The following ZNF677 variants were observed in gnomAD, a reference collection of about 807,000 sequenced individuals.
ZNF677 encodes zinc finger protein 677.
ZNF677 carries 5 observed loss-of-function variants against 8.1 expected under a neutral mutation model. The observed-to-expected ratio is 0.62, with a 90% CI of 0.32 to 1.29. ZNF677 has a LOEUF of 1.29. Ranked by LOEUF, ZNF677 falls within the 50% of genes most tolerant of loss-of-function variation. The pLI is 0.05. For synonymous variants in ZNF677, 221 were observed against 225.6 expected (o/e 0.98, Z 0.18); for missense variants, 685 against 685.9 (o/e 1.00, Z 0.01).
At chr19:53,251,752 A>C in intron 2 of ZNF677, 147 bp from the exon 3 acceptor site, 1 of 598,726 alleles carries the variant, frequency 1.7e-6, no homozygotes. Flanking sequence ...CATGAAAAAA[A>C]TTAACTCCTA....
Position 53,245,055 on chromosome 19 carries a change from G to C in ZNF677, c.16-1158C>G, listed in dbSNP as rs1183625438. On this transcript the variant is annotated intron_variant, in intron 3 of 4. Transcript: ENST00000598513. ...GAAATCTGTACACCCAAATGCAAAA[G>C]AATGAAACTGGATGCTTATCTTATG... Among the ~76,000 whole-genome samples, 4 of 152,198 alleles carry C rather than the reference G, an allele frequency of 2.6e-5. No homozygotes were observed. In the East Asian group the frequency reaches 5.8e-4, roughly 22 times the overall value.
chr19:53,237,194 T>C lies in ZNF677; in HGVS notation c.1533A>G (p.Gly511=), dbSNP rs1222943367. Residue 511 remains glycine, a synonymous_variant, in exon 5 of 5, where the codon GGA becomes GGG. Transcript: ENST00000598513. The part of the protein sequence containing the change: ...NLTQHKKIHT[G]EKPYKCTECG... The stretch of plus-strand genomic sequence containing the variant: ...ATTCAGTACATTTGTAAGGTTTCTC[T>C]CCAGTATGGATTTTCTTATGCTGAG... 2 of 1,612,756 alleles carry C rather than the reference T, an allele frequency of 1.2e-6. No homozygotes were observed. Among genetic ancestry groups the C allele is most frequent in the Non-Finnish European group, 8.5e-7 (1 of 1,178,982 alleles).
At chr19:53,248,899 C>A (rs2091189749) in intron 3 of ZNF677, among the ~76,000 whole-genome samples, 1 of 152,074 alleles carries the variant, frequency 6.6e-6, no homozygotes, top group South Asian at 2.1e-4. Flanking sequence ...CTTTTGCTTT[C>A]TCCTTTTCTT....
chr19:53,245,236 T>C (rs985163119), intron 3 of ZNF677, among the ~76,000 whole-genome samples: 1 of 152,042 alleles, frequency 6.6e-6, no homozygotes, highest in African/African-American at 2.4e-5. Flanking sequence ...TTCTTGGATA[T>C]AACACCAAAA....
At position 53,238,081 on chromosome 19, in the gene ZNF677, G is replaced by C; in HGVS notation, c.646C>G (p.Pro216Ala). ...GAACTATTGATAGACTTCTCAACTG[G>C]ATTACATTCATACATTTTCTCCCCA... ...QTGEKMYECN[P>A]VEKSINSSSV... The change falls in exon 5 of 5, where the codon CCA (proline) becomes GCA (alanine). Residue 216 changes from proline (P) to alanine (A), a missense_variant. Coordinates refer to ENST00000598513, the MANE Select transcript of ZNF677 (RefSeq NM_182609.4). 1.2e-6 allele frequency: 2 copies of C among 1,614,016 alleles called. No homozygotes were observed. The highest frequency in any genetic ancestry group is 8.5e-7 in the Non-Finnish European group (1 of 1,179,952).
intron 1 of ZNF677, among the ~76,000 whole-genome samples, 168 bp from the exon 2 acceptor site, chr19:53,253,324 C>G (rs1362738896): frequency 6.6e-6 from 1 of 152,176 alleles, no homozygotes; most frequent in Non-Finnish European, 1.5e-5. Context: ...AAAAGATTAT[C>G]AACACCTTAG....
intron 4 of ZNF677, chr19:53,241,266 C>A (rs991800696): frequency 6.6e-6 from 1 of 152,036 alleles, no homozygotes; most frequent in Non-Finnish European, 1.5e-5. Context: ...AAACAAAAAA[C>A]ACTAAGAGTA....
rs1245616370 is a variant in ZNF677 at position 53,237,938 on chromosome 19, G to T, written c.789C>A (p.Tyr263Ter). 6.2e-7 allele frequency: 1 copy of T among 1,612,036 alleles called. No homozygotes were observed. Among genetic ancestry groups the T allele is most frequent in the East Asian group, 2.2e-5 (1 of 44,856 alleles). Residue 263 changes from tyrosine (Y) to a stop codon, truncating the protein, a stop_gained, in exon 5 of 5, where the codon TAC becomes TAA. Coordinates refer to ENST00000598513, the MANE Select transcript of ZNF677 (RefSeq NM_182609.4). LOFTEE classifies it low-confidence loss of function (END_TRUNC). ...YGRTHIREKS[Y>*]KCNDCGKAFS... is the part of the protein sequence containing the mutation. Reference sequence around the variant, plus strand: ...AAGCCTTTCCACAGTCATTACACTTGTATGATTTTTCTCTAATGTGTGTTC... The same window carrying T: ...AAGCCTTTCCACAGTCATTACACTTTTATGATTTTTCTCTAATGTGTGTTC...
At chr19:53,251,123 C>A (rs2091226955) in intron 3 of ZNF677, among the ~76,000 whole-genome samples, 1 of 152,190 alleles carries the variant, frequency 6.6e-6, no homozygotes, top group Non-Finnish European at 1.5e-5. Context: ...TTTCCCCCAA[C>A]AGTCTTCTTT....
rs1211610989 is a variant in ZNF677, at chr19:53,237,171, T to G, written c.1556A>C (p.Glu519Ala). Reference protein sequence around the residue: ...HTGEKPYKCTECGKAFTQFAN... With the variant: ...HTGEKPYKCTACGKAFTQFAN... ...AAATTGGGTAAAAGCTTTGCCACAT[T>G]CAGTACATTTGTAAGGTTTCTCTCC... The change falls in exon 5 of 5, where the codon GAA (glutamate) becomes GCA (alanine). Residue 519 changes from glutamate (E) to alanine (A), a missense_variant. Glu to Ala is a moderately radical substitution (Grantham distance 107). Coordinates refer to ENST00000598513, the MANE Select transcript of ZNF677 (RefSeq NM_182609.4). The G allele has an allele frequency of 6.2e-7, 1 of 1,612,826 alleles. No homozygotes were observed. Among genetic ancestry groups the G allele is most frequent in the Non-Finnish European group, 8.5e-7 (1 of 1,179,330 alleles).
At chr19:53,252,733 T>A (rs1466436832) in intron 2 of ZNF677, among the ~76,000 whole-genome samples, 1 of 152,176 alleles carries the variant, frequency 6.6e-6, no homozygotes, top group Non-Finnish European at 1.5e-5. Flanking sequence ...TTCTTCAACA[T>A]CTTGCAGAGA....
intron 2 of ZNF677, 56 bp from the exon 3 acceptor site, chr19:53,251,661 A>T: frequency 8.0e-7 from 1 of 1,248,460 alleles, no homozygotes; most frequent in Non-Finnish European, 1.1e-6. Flanking sequence ...CCCTGCCTCT[A>T]CCACACACAC....
chr19:53,242,149 C>A (rs549230249), intron 4 of ZNF677: 8 of 396,032 alleles, frequency 2.0e-5, no homozygotes, highest in African/African-American at 1.6e-4. Flanking sequence ...TCAGGCTGGT[C>A]TCGAACTCCC....
chr19:53,247,654 T>C (rs1286395942), intron 3 of ZNF677, among the ~76,000 whole-genome samples: 1 of 152,156 alleles, frequency 6.6e-6, no homozygotes, highest in Admixed American at 6.6e-5. Context: ...ATATTTGGGG[T>C]GTTGATATTT....
At chr19:53,248,995 T>G (rs957472274) in intron 3 of ZNF677, 2 of 152,232 alleles carry the variant, frequency 1.3e-5, no homozygotes, top group African/African-American at 4.8e-5. Context: ...TTTCTTCTGC[T>G]CAGATTAAAT....
rs60644090 is a variant in ZNF677, at chr19:53,246,487, TACACACACACACACACACAC to T, written c.16-2610_16-2591del. 2.6e-4 allele frequency among the ~76,000 whole-genome samples: 36 copies of T among 140,358 alleles called. 1 individual carries two copies. The highest frequency in any genetic ancestry group is 9.3e-4 in the South Asian group (4 of 4,302). 92.1% of individuals were successfully genotyped at this position (140,358 alleles called of 152,430 possible). ...AAGGAATGACTGAATAAAGAAAATGTACACACACACACACACACACACACACACACACACACACACACACT... is the reference window on the plus strand; with the variant it reads ...AAGGAATGACTGAATAAAGAAAATGTACACACACACACACACACACACACT... On this transcript the variant is annotated intron_variant, in intron 3 of 4. Coordinates refer to ENST00000598513, the MANE Select transcript of ZNF677 (RefSeq NM_182609.4).
intron 1 of ZNF677, among the ~76,000 whole-genome samples, chr19:53,254,035 G>T (rs780194614): frequency 1.2e-4 from 19 of 152,178 alleles, no homozygotes; most frequent in Non-Finnish European, 4.4e-5. Flanking sequence ...TGCTTCTGAT[G>T]TAATAATTAG....
intron 3 of ZNF677, 99 bp downstream of exon 3, chr19:53,251,437 T>G (rs754013171): frequency 1.4e-5 from 13 of 926,704 alleles, no homozygotes; most frequent in Non-Finnish European, 2.1e-5. Context: ...ATATACATAT[T>G]AGTCAGGACA....
At chr19:53,239,636 G>A (rs931557278) in intron 4 of ZNF677, 14 of 151,416 alleles carry the variant, frequency 9.2e-5, no homozygotes, top group African/African-American at 3.2e-4. Flanking sequence ...AAATATGTAA[G>A]ATATAATGAA....
Sources: gnomAD v4.1 joint callset for allele counts (sites outside exome capture counted in the v4.1 genomes callset) on GRCh38, gnomAD v4.1.1 for gene constraint, MANE v1.5 for transcripts, NCBI Gene and HGNC (gene_info 2026-07-23, HGNC 2026-07-21) for gene names.